The following GGNBP2 variants were observed in gnomAD, a reference collection of about 807,000 sequenced individuals.
GGNBP2 encodes gametogenetin binding protein 2.
Under a neutral mutation model 85.9 loss-of-function variants are expected in GGNBP2, and 10 were observed. The ratio of observed to expected loss-of-function variants is 0.12; its 90% CI spans 0.07 to 0.20. The LOEUF is 0.20. GGNBP2 is among the 10% of genes least tolerant of loss of function. The pLI is 1.00. For synonymous variants in GGNBP2, 287 were observed against 285.7 expected (o/e 1.00, Z -0.05); for missense variants, 595 against 857.8 (o/e 0.69, Z 3.83).
rs145184068 is a variant in GGNBP2 at position 36,563,220 on chromosome 17, C to A, written c.527+2349C>A. Among the ~76,000 whole-genome samples the A allele has an allele frequency of 3.5e-3, 531 of 151,936 alleles. 2 individuals are homozygous for A. The highest frequency in any genetic ancestry group is 0.012 in the African/African-American group (504 of 41,430). On this transcript the variant is annotated intron_variant, in intron 5 of 13. Transcript: ENST00000613102. ...GGCAGAGGTTGCATTGAGCCAAGATCGCACCATTGCACTCCAGCCTGGGCG... is the reference window on the plus strand; with the variant it reads ...GGCAGAGGTTGCATTGAGCCAAGATAGCACCATTGCACTCCAGCCTGGGCG...
chr17:36,587,498 G>C (rs972722441), intron 13 of GGNBP2: 15 of 464,104 alleles, frequency 3.2e-5, no homozygotes, highest in Non-Finnish European at 5.5e-5. Flanking sequence ...AGTTACAGTG[G>C]GGTTACATTC....
intron 3 of GGNBP2, 58 bp downstream of exon 3, chr17:36,554,958 T>A: frequency 9.6e-7 from 1 of 1,044,140 alleles, no homozygotes; most frequent in African/African-American, 1.6e-5. Flanking sequence ...AAGACTCATT[T>A]AAAATTTAGC....
Position 36,589,293 on chromosome 17 carries a change from A to G in GGNBP2, c.1976A>G (p.Tyr659Cys). Reference protein sequence around the residue: ...QSFMANNQSFYSNREQYRQHL... With the variant: ...QSFMANNQSFCSNREQYRQHL... ...TTTATGGCTAATAACCAGTCTTTCTACAGCAATAGAGAACAATACCGACAG... is the reference window on the plus strand; with the variant it reads ...TTTATGGCTAATAACCAGTCTTTCTGCAGCAATAGAGAACAATACCGACAG... The change falls in exon 14 of 14, where the codon TAC (tyrosine) becomes TGC (cysteine). Residue 659 changes from tyrosine (Y) to cysteine (C), a missense_variant. Physicochemically the swap from Tyr to Cys is radical, Grantham distance 194 (BLOSUM62 -2). Coordinates refer to ENST00000613102, the MANE Select transcript of GGNBP2 (RefSeq NM_024835.5). 1 of 1,612,886 alleles carries G rather than the reference A, an allele frequency of 6.2e-7. No homozygotes were observed. Among genetic ancestry groups the G allele is most frequent in the Non-Finnish European group, 8.5e-7 (1 of 1,178,858 alleles).
chr17:36,545,272 G>A (rs1422755159), intron 1 of GGNBP2, among the ~76,000 whole-genome samples, 175 bp downstream of exon 1: 2 of 152,064 alleles, frequency 1.3e-5, no homozygotes, highest in Non-Finnish European at 2.9e-5. Context: ...CCCGGGCGGC[G>A]GGCGGCGGGG....
chr17:36,563,213 C>T (rs1262822498), intron 5 of GGNBP2, among the ~76,000 whole-genome samples: 1 of 151,890 alleles, frequency 6.6e-6, no homozygotes, highest in Non-Finnish European at 1.5e-5. Flanking sequence ...TTGCATTGAG[C>T]CAAGATCGCA....
In GGNBP2 at chr17:36,567,728, A is replaced by G. The variant is rs1233385708; in HGVS notation, c.593A>G (p.Asp198Gly). The change falls in exon 6 of 14, where the codon GAC becomes GGC. Residue 198 changes from aspartate (D) to glycine (G), a missense_variant. By Grantham distance (94) the Asp-to-Gly change is moderately conservative. Transcript: ENST00000613102. ...TGCAGGGATGAAGTAGTTTTAATTG[A>G]CTCGAGTTGTCTTTTAGAAACACTA... ...QECRDEVVLI[D>G]SSCLLETLET... 9 of 1,609,820 alleles carry G rather than the reference A, an allele frequency of 5.6e-6. No homozygotes were observed. Among genetic ancestry groups the G allele is most frequent in the Non-Finnish European group, 6.8e-6 (8 of 1,176,380 alleles).
intron 5 of GGNBP2, among the ~76,000 whole-genome samples, chr17:36,562,680 T>C (rs1448807464): frequency 6.6e-6 from 1 of 151,528 alleles, no homozygotes; most frequent in Admixed American, 6.6e-5. Flanking sequence ...TTAAAACATT[T>C]TATCGGCCGG....
intron 2 of GGNBP2, 116 bp downstream of exon 2, chr17:36,545,933 C>T (rs2074249828): frequency 1.4e-6 from 1 of 710,392 alleles, no homozygotes; most frequent in South Asian, 1.9e-5. Flanking sequence ...AACTCCTAGG[C>T]GAGGCCTTCT....
At position 36,545,688 on chromosome 17, in the gene GGNBP2, G is replaced by T; in HGVS notation, c.-37G>T. The T allele has an allele frequency of 6.7e-7, 1 of 1,485,434 alleles. No individual in the cohort carries two copies. Among genetic ancestry groups the T allele is most frequent in the Non-Finnish European group, 9.2e-7 (1 of 1,087,372 alleles). 92.0% of individuals were successfully genotyped at this position (1,485,434 alleles called of 1,614,324 possible). A position where few individuals can be genotyped will look rare whatever the true frequency, so the allele number is the denominator to read the frequency against. On this transcript the variant is annotated 5_prime_UTR_variant, in exon 2 of 14. It adds an upstream start codon to the 5' untranslated region. Coordinates refer to ENST00000613102, the MANE Select transcript of GGNBP2 (RefSeq NM_024835.5). ...GCGGCGGCGGCGGCGGCAGCTGGGA[G>T]GAGGTGGTGACGGTGGCAACGGCAG...
intron 2 of GGNBP2, chr17:36,547,143 C>G (rs942748199): frequency 6.6e-6 from 1 of 152,122 alleles, no homozygotes; most frequent in Admixed American, 6.5e-5. Flanking sequence ...GATTTCTGTA[C>G]TTTTTGCATT....
At chr17:36,575,648 A>ATATATATATATATATATATT (rs374366757) in intron 6 of GGNBP2, among the ~76,000 whole-genome samples, 4 of 54,906 alleles carry the variant, frequency 7.3e-5, no homozygotes, top group African/African-American at 1.1e-4. Flanking sequence ...ATATATATAT[A>ATATATATATATATATATATT]TTTTTTTTTT....
At chr17:36,566,447 C>G (rs2074469282) in intron 5 of GGNBP2, among the ~76,000 whole-genome samples, 1 of 151,460 alleles carries the variant, frequency 6.6e-6, no homozygotes, top group Non-Finnish European at 1.5e-5. Flanking sequence ...ATTGCTTGAG[C>G]TGAGGAGTCG....
At chr17:36,572,223 A>G (rs1411145845) in intron 6 of GGNBP2, among the ~76,000 whole-genome samples, 1 of 152,182 alleles carries the variant, frequency 6.6e-6, no homozygotes, top group Non-Finnish European at 1.5e-5. Flanking sequence ...ATAGGGGGAA[A>G]ATATTTCAAG....
intron 2 of GGNBP2, among the ~76,000 whole-genome samples, chr17:36,550,069 C>T (rs1353990959): frequency 6.6e-6 from 1 of 152,060 alleles, no homozygotes; most frequent in South Asian, 2.1e-4. Flanking sequence ...TCCTGAGTAG[C>T]TGGGATTACA....
intron 9 of GGNBP2, among the ~76,000 whole-genome samples, chr17:36,582,964 T>C (rs146818022): frequency 0.023 from 3,559 of 152,316 alleles, 58 homozygotes; most frequent in Middle Eastern, 0.061. Flanking sequence ...AAAATAACTA[T>C]TTTCTAAATA....
chr17:36,574,309 A>G (rs1363291033), intron 6 of GGNBP2, among the ~76,000 whole-genome samples: 1 of 152,130 alleles, frequency 6.6e-6, no homozygotes, highest in Non-Finnish European at 1.5e-5. Context: ...TATACTACCT[A>G]GGTTTGTGTA....
At chr17:36,563,853 C>T (rs1599518969) in intron 5 of GGNBP2, among the ~76,000 whole-genome samples, 1 of 151,574 alleles carries the variant, frequency 6.6e-6, no homozygotes, top group African/African-American at 2.4e-5. Flanking sequence ...AAGTGATTCT[C>T]CTGCCTCAGC....
chr17:36,578,336 A>G, intron 7 of GGNBP2, 150 bp downstream of exon 7: 1 of 590,788 alleles, frequency 1.7e-6, no homozygotes, highest in Non-Finnish European at 2.9e-6. Flanking sequence ...TCTTTAAAGT[A>G]TGCATTTCTT....
chr17:36,555,181 A>G (rs555342673), intron 3 of GGNBP2, among the ~76,000 whole-genome samples: 12 of 152,348 alleles, frequency 7.9e-5, no homozygotes, highest in African/African-American at 2.4e-4. Flanking sequence ...GATAAGGTAT[A>G]TAATTTTTCA....
Sources: gnomAD v4.1 joint callset for allele counts (sites outside exome capture counted in the v4.1 genomes callset) on GRCh38, gnomAD v4.1.1 for gene constraint, MANE v1.5 for transcripts, NCBI Gene and HGNC (gene_info 2026-07-23, HGNC 2026-07-21) for gene names.